The following TAOK1 variants were observed in gnomAD, a reference collection of about 807,000 sequenced individuals.
TAOK1 encodes serine/threonine-protein kinase TAO1.
A neutral mutation model predicts 138.3 loss-of-function variants in TAOK1; 21 were observed. That is an observed-to-expected ratio of 0.15 (90% CI 0.11 to 0.22). TAOK1 has a LOEUF of 0.22. TAOK1 is among the 10% of genes least tolerant of loss of function. TAOK1 has a pLI of 1.00. For missense variants in TAOK1, 651 were observed against 1,227.7 expected, an observed-to-expected ratio of 0.53 and a Z score of 7.02; for synonymous variants, 361 against 398.4, an observed-to-expected ratio of 0.91 and a Z score of 1.12.
intron 1 of TAOK1, among the ~76,000 whole-genome samples, chr17:29,403,077 C>T (rs1250275316): frequency 1.4e-5 from 2 of 144,358 alleles, no homozygotes; most frequent in African/African-American, 5.1e-5. Flanking sequence ...AGGAGAACTG[C>T]TTCAACCTGG....
intron 12 of TAOK1, among the ~76,000 whole-genome samples, chr17:29,501,756 G>A (rs1016190562): frequency 3.3e-5 from 5 of 152,130 alleles, no homozygotes; most frequent in Non-Finnish European, 5.9e-5. Context: ...CTAGTCATGT[G>A]CCAGGCACAG....
chr17:29,501,546 T>G (rs2031531326), intron 12 of TAOK1, among the ~76,000 whole-genome samples: 1 of 152,214 alleles, frequency 6.6e-6, no homozygotes, highest in African/African-American at 2.4e-5. Context: ...CAACTGTTTT[T>G]GTTTTTGCTT....
intron 1 of TAOK1, among the ~76,000 whole-genome samples, chr17:29,392,402 ATTC>A (rs1245139146): frequency 6.6e-6 from 1 of 152,082 alleles, no homozygotes; most frequent in Non-Finnish European, 1.5e-5. Flanking sequence ...CTGCCTAATT[ATTC>A]TATGATCTAT....
intron 13 of TAOK1, among the ~76,000 whole-genome samples, chr17:29,504,004 A>G (rs1469730357): frequency 6.6e-6 from 1 of 151,756 alleles, no homozygotes; most frequent in Non-Finnish European, 1.5e-5. Flanking sequence ...CCAGGTACTC[A>G]GGAGGCTGAG....
intron 19 of TAOK1, among the ~76,000 whole-genome samples, chr17:29,537,506 ATT>A (rs35498725): frequency 0.029 from 3,620 of 123,320 alleles, 129 homozygotes; most frequent in African/African-American, 0.093. Context: ...ATGACCACTG[ATT>A]TTTTTTTTTT....
At chr17:29,423,864 A>G (rs965075258) in intron 1 of TAOK1, among the ~76,000 whole-genome samples, 1 of 152,042 alleles carries the variant, frequency 6.6e-6, no homozygotes, top group African/African-American at 2.4e-5. Flanking sequence ...CCTGCCCAAC[A>G]TGGCGAAACC....
chr17:29,520,068 C>T (rs1480232205), intron 16 of TAOK1, among the ~76,000 whole-genome samples: 2 of 151,490 alleles, frequency 1.3e-5, no homozygotes, highest in Non-Finnish European at 2.9e-5. Flanking sequence ...GTAATCCCAG[C>T]TACTCAAGAG....
At chr17:29,538,151 T>TAAAAAAA (rs1206256714) in intron 19 of TAOK1, among the ~76,000 whole-genome samples, 1 of 139,514 alleles carries the variant, frequency 7.2e-6, no homozygotes, top group Admixed American at 7.1e-5. Context: ...GCCAAGCCAA[T>TAAAAAAA]AAAAAAATCT....
intron 1 of TAOK1, among the ~76,000 whole-genome samples, chr17:29,448,944 A>G (rs1471678061): frequency 6.6e-6 from 1 of 152,182 alleles, no homozygotes; most frequent in African/African-American, 2.4e-5. Flanking sequence ...GGGGGCATAA[A>G]GGGAGAGTAA....
At chr17:29,506,617 A>G (rs1186008136) in intron 13 of TAOK1, among the ~76,000 whole-genome samples, 1 of 152,068 alleles carries the variant, frequency 6.6e-6, no homozygotes, top group East Asian at 1.9e-4. Context: ...TAGATCTCAA[A>G]TGTCTCACCA....
intron 1 of TAOK1, among the ~76,000 whole-genome samples, chr17:29,422,327 C>T (rs1905476245): frequency 6.6e-6 from 1 of 152,134 alleles, no homozygotes; most frequent in Admixed American, 6.5e-5. Flanking sequence ...CCTCAGCCTC[C>T]TGAGTAGCTG....
At chr17:29,453,205 G>T (rs1015206984) in intron 2 of TAOK1, among the ~76,000 whole-genome samples, 1 of 149,700 alleles carries the variant, frequency 6.7e-6, no homozygotes, top group Non-Finnish European at 1.5e-5. Context: ...TATTGCCCAG[G>T]CTGGAGTGCA....
rs2032451562 is a variant in TAOK1 at position 29,549,295 on chromosome 17, G to A, written c.*6273G>A. Reference sequence around the variant, plus strand: ...GCTGATGAACATAGACAAGGGAAATGCATTTCTTAGAAATCCGTGAACCCT... The same window carrying A: ...GCTGATGAACATAGACAAGGGAAATACATTTCTTAGAAATCCGTGAACCCT... On this transcript the variant is annotated 3_prime_UTR_variant, in exon 20 of 20. Coordinates refer to ENST00000261716, the MANE Select transcript of TAOK1 (RefSeq NM_020791.4). The A allele has an allele frequency of 6.6e-6, 1 of 152,156 alleles. No homozygotes were observed. The highest frequency in any genetic ancestry group is 2.1e-4 in the South Asian group (1 of 4,830). The allele number at this position is 152,156 out of a possible 1,614,324, so 9.4% of individuals were successfully genotyped here. A position where few individuals can be genotyped will look rare whatever the true frequency, so the allele number is the denominator to read the frequency against.
At position 29,530,793 on chromosome 17, in the gene TAOK1, T is replaced by G. The variant is rs1598524987; in HGVS notation, c.2361+174T>G. Reference sequence around the variant, plus strand: ...TCAACATTGCTTGAAAATGTCATGATGCATGTAGAATTCTCATTGATACAT... The same window carrying G: ...TCAACATTGCTTGAAAATGTCATGAGGCATGTAGAATTCTCATTGATACAT... On this transcript the variant is annotated intron_variant, in intron 18 of 19. Coordinates refer to ENST00000261716, the MANE Select transcript of TAOK1 (RefSeq NM_020791.4). 4.8e-6 allele frequency: 3 copies of G among 627,524 alleles called. No individual in the cohort carries two copies. The East Asian group carries it at 8.3e-5, about 17-fold the overall frequency. The allele number at this position is 627,524 out of a possible 1,614,324, so 38.9% of individuals were successfully genotyped here. A position where few individuals can be genotyped will look rare whatever the true frequency, so the allele number is the denominator to read the frequency against.
intron 13 of TAOK1, among the ~76,000 whole-genome samples, chr17:29,505,132 T>A (rs2153028982): frequency 6.6e-6 from 1 of 152,342 alleles, no homozygotes; most frequent in East Asian, 1.9e-4. Flanking sequence ...ACTTAAAATA[T>A]TCAGAGCATA....
intron 13 of TAOK1, among the ~76,000 whole-genome samples, chr17:29,504,948 C>T (rs2153028967): frequency 6.6e-6 from 1 of 152,284 alleles, no homozygotes; most frequent in South Asian, 2.1e-4. Flanking sequence ...GAAGGACCAG[C>T]TCAAAGGAAA....
At chr17:29,457,159 G>T (rs147277120) in intron 2 of TAOK1, among the ~76,000 whole-genome samples, 1 of 143,220 alleles carries the variant, frequency 7.0e-6, no homozygotes, top group African/African-American at 2.8e-5. Context: ...CAGTGCGGTG[G>T]CATGATCCTG....
intron 1 of TAOK1, among the ~76,000 whole-genome samples, chr17:29,434,258 G>A (rs867176840): frequency 5.9e-5 from 9 of 152,182 alleles, no homozygotes; most frequent in Middle Eastern, 6.8e-3. Flanking sequence ...CTAGTTCGGA[G>A]GATGCATTTG....
chr17:29,509,010 C>A (rs1266085898), intron 14 of TAOK1, among the ~76,000 whole-genome samples: 1 of 151,988 alleles, frequency 6.6e-6, no homozygotes, highest in Non-Finnish European at 1.5e-5. Flanking sequence ...ACCCTCTTCT[C>A]CCTTTTCACA....
Sources: gnomAD v4.1 joint callset for allele counts (sites outside exome capture counted in the v4.1 genomes callset) on GRCh38, gnomAD v4.1.1 for gene constraint, MANE v1.5 for transcripts, NCBI Gene and HGNC (gene_info 2026-07-23, HGNC 2026-07-21) for gene names.